SPPL2B: variants seen among roughly 807,000 people sequenced by gnomAD.
SPPL2B encodes signal peptide peptidase like 2B, also known as signal peptide peptidase-like 2B.
Under a neutral mutation model 59.7 loss-of-function variants are expected in SPPL2B, and 39 were observed. The ratio of observed to expected loss-of-function variants is 0.65; its 90% confidence interval spans 0.51 to 0.85. The LOEUF (loss-of-function observed/expected upper bound fraction) is 0.85. SPPL2B is among the 40% of genes least tolerant of loss of function. The pLI is 0.00. For synonymous variants in SPPL2B, 419 were observed against 370.8 expected (o/e 1.13, Z -1.49); for missense variants, 865 against 849.0 (o/e 1.02, Z -0.23).
rs551725527 is a variant in SPPL2B, at chr19:2,344,787, T to G, written c.1276+135T>G. On this transcript the variant is annotated intron_variant, in intron 12 of 14. Coordinates refer to ENST00000613503, the MANE Select transcript of SPPL2B (RefSeq NM_152988.3). ...CCCTGAGGGTCAGAGTCGGGCAGGTTGGGGCCGTTGAGGCCTGGGTGCCTG... is the reference window on the plus strand; with the variant it reads ...CCCTGAGGGTCAGAGTCGGGCAGGTGGGGGCCGTTGAGGCCTGGGTGCCTG... 6.2e-4 allele frequency: 420 copies of G among 677,608 alleles called. No individual in the cohort carries two copies. In the African/African-American group the frequency reaches 6.6e-3, roughly 11 times the overall value. The allele number at this position is 677,608 out of a possible 1,614,324, so 42.0% of individuals were successfully genotyped here. A position where few individuals can be genotyped will look rare whatever the true frequency, so the allele number is the denominator to read the frequency against.
chr19:2,334,665 T>G lies in SPPL2B; in HGVS notation c.130T>G (p.Tyr44Asp). The G allele has an allele frequency of 6.2e-7, 1 of 1,613,018 alleles. No homozygotes were observed. Among genetic ancestry groups the G allele is most frequent in the Non-Finnish European group, 8.5e-7 (1 of 1,179,488 alleles). ...SQAGGPEGKD[Y>D]CILYNPQWAH... ...GGCCGGGGGCCCCGAAGGCAAAGAC[T>G]ACTGCATCCTCTACAACCCGCAGTG... Residue 44 changes from tyrosine to aspartate, a missense_variant, in exon 2 of 15, where the codon TAC becomes GAC. Coordinates refer to ENST00000613503, the MANE Select transcript of SPPL2B (RefSeq NM_152988.3).
At chr19:2,346,444 T>C (rs1412416085) in intron 13 of SPPL2B, among the ~76,000 whole-genome samples, 3 of 152,220 alleles carry the variant, frequency 2.0e-5, no homozygotes, top group African/African-American at 2.4e-5. Flanking sequence ...AGTGGGAGGA[T>C]TGCTTGAGTC....
At chr19:2,337,652 G>C (rs1168058017) in intron 3 of SPPL2B, 27 bp downstream of exon 3, 2 of 1,520,642 alleles carry the variant, frequency 1.3e-6, no homozygotes, top group Non-Finnish European at 1.8e-6. Flanking sequence ...CCCCCGCTGG[G>C]CCAGCTCTCA....
At position 2,338,758 on chromosome 19, in the gene SPPL2B, C is replaced by T; in HGVS notation, c.376C>T (p.Pro126Ser). 1 of 1,612,858 alleles carries T rather than the reference C, an allele frequency of 6.2e-7. No homozygotes were observed. The highest frequency in any genetic ancestry group is 8.5e-7 in the Non-Finnish European group (1 of 1,179,340). ...CCCTCCTCTGGGCCCCCAGGTCCCC[C>T]CGGGGGGTAATAAGACGCAGTATGA... ...LIVSRERLVP[P>S]GGNKTQYDEI... The change falls in exon 4 of 15, where the codon CCG (proline) becomes TCG (serine). Residue 126 changes from proline (P) to serine (S), a missense_variant. Physicochemically the swap from Pro to Ser is moderately conservative, Grantham distance 74. Coordinates refer to ENST00000613503, the MANE Select transcript of SPPL2B (RefSeq NM_152988.3).
At position 2,353,195 on chromosome 19, in the gene SPPL2B, G is replaced by T. The variant is rs946852047; in HGVS notation, c.1765G>T (p.Gly589Cys). ...QAQPSPVTQPGASA is the reference protein window; with the variant it reads ...QAQPSPVTQPCASA ...CCAGCCGTCCCCGGTAACCCAGCCT[G>T]GCGCCTCGGCCTAGGGGAGGGGTGA... is the stretch of plus-strand genomic sequence containing the variant. Residue 589 changes from glycine to cysteine, a missense_variant, in exon 15 of 15, where the codon GGC (glycine) becomes TGC (cysteine). Physicochemically the swap from Gly to Cys is radical, Grantham distance 159 (BLOSUM62 -3). Transcript: ENST00000613503. 1.9e-6 allele frequency: 3 copies of T among 1,601,998 alleles called. No homozygotes were observed. Among genetic ancestry groups the T allele is most frequent in the Non-Finnish European group, 2.5e-6 (3 of 1,178,384 alleles).
At chr19:2,330,140 G>A (rs994284247) in intron 1 of SPPL2B, among the ~76,000 whole-genome samples, 2 of 149,930 alleles carry the variant, frequency 1.3e-5, no homozygotes, top group South Asian at 2.1e-4. Context: ...ACGGAGTCTC[G>A]CTCTGTCGCC....
chr19:2,339,047 T>G lies in SPPL2B; in HGVS notation c.460-22T>G. ...CTGGCGGGTGGCTCTGACGCCTGCC[T>G]CCGGTGTGTTCCTTGAGGCAGCGTT... On this transcript the variant is annotated intron_variant, in intron 4 of 14. Transcript: ENST00000613503. The G allele has an allele frequency of 1.9e-6, 3 of 1,543,556 alleles. No individual in the cohort carries two copies. In the South Asian group the frequency reaches 3.6e-5, roughly 18 times the overall value.
At chr19:2,342,891 C>T in intron 8 of SPPL2B, 1 of 358,606 alleles carries the variant, frequency 2.8e-6, no homozygotes, top group East Asian at 5.5e-5. Flanking sequence ...CGTCCTGGCC[C>T]CACCATCTGG....
chr19:2,332,889 G>C lies in SPPL2B; in HGVS notation c.67-1713G>C, dbSNP rs1968356986. Among the ~76,000 whole-genome samples, 1 of 152,106 alleles carries C rather than the reference G, an allele frequency of 6.6e-6. No homozygotes were observed. ...TGGAGATGTCTTTGTCAGCTGCTGG[G>C]TGGGGGCCCTGGGCAGGGGAGCAGA... is the stretch of plus-strand genomic sequence containing the variant. On this transcript the variant is annotated intron_variant, in intron 1 of 14. Coordinates refer to ENST00000613503, the MANE Select transcript of SPPL2B (RefSeq NM_152988.3). This position sits in a 1 kb window ranked among gnomAD's most constrained non-coding sequence, Gnocchi z 4.6.
chr19:2,349,602 C>T (rs1231074422), intron 13 of SPPL2B, among the ~76,000 whole-genome samples: 4 of 10,454 alleles, frequency 3.8e-4, no homozygotes, highest in East Asian at 7.3e-3. Context: ...CGCTTGATTC[C>T]GTTCTCTCTC....
rs1437393387 is a variant in SPPL2B, at chr19:2,332,281, C to A, written c.67-2321C>A. ...GGCCTTGACCCAGATGCTCCCAGAC[C>A]AGGCCGGAGACTTTGCATGATTTCA... On this transcript the variant is annotated intron_variant, in intron 1 of 14. Transcript: ENST00000613503. This position sits in a 1 kb window ranked among gnomAD's most constrained non-coding sequence, Gnocchi z 4.6. Among the ~76,000 whole-genome samples, 1 of 152,152 alleles carries A rather than the reference C, an allele frequency of 6.6e-6. No homozygotes were observed. The highest frequency in any genetic ancestry group is 1.5e-5 in the Non-Finnish European group (1 of 68,018).
In SPPL2B at chr19:2,340,946, T is replaced by TA. The variant is rs1256358782; in HGVS notation, c.889dup (p.Met297AsnfsTer95). 2.5e-6 allele frequency: 4 copies of TA among 1,603,592 alleles called. No homozygotes were observed. Among genetic ancestry groups the TA allele is most frequent in the Non-Finnish European group, 3.4e-6 (4 of 1,179,486 alleles). ...ACTTCCACAAGCGCCCGCAGGCCCG[T>TA]ATGCTGCTCCTGGCGCTCTTCTGCG... On this transcript the variant is annotated frameshift_variant, in exon 8 of 15. Transcript: ENST00000613503. LOFTEE classifies it high-confidence loss of function.
In SPPL2B at chr19:2,330,131, C is replaced by T. The variant is rs1968204420; in HGVS notation, c.66+1356C>T. Among the ~76,000 whole-genome samples, 2 of 143,408 alleles carry T rather than the reference C, an allele frequency of 1.4e-5. 1 individual carries two copies. The highest frequency in any genetic ancestry group is 4.4e-4 in the South Asian group (2 of 4,584). 94.1% of individuals were successfully genotyped at this position (143,408 alleles called of 152,430 possible). On this transcript the variant is annotated intron_variant, in intron 1 of 14. Transcript: ENST00000613503. ...GCAGATCTATTTTTTTTTTTTGAGACGGAGTCTCGCTCTGTCGCCCAGGCT... is the reference window on the plus strand; with the variant it reads ...GCAGATCTATTTTTTTTTTTTGAGATGGAGTCTCGCTCTGTCGCCCAGGCT...
intron 13 of SPPL2B, among the ~76,000 whole-genome samples, chr19:2,345,989 C>T (rs779977684): frequency 6.6e-6 from 1 of 152,186 alleles, no homozygotes; most frequent in Non-Finnish European, 1.5e-5. Context: ...TTGTTCTGTT[C>T]TTTTCTTTTC....
chr19:2,328,709 C>T lies in SPPL2B; in HGVS notation c.-1C>T. The T allele has an allele frequency of 2.8e-6, 4 of 1,441,348 alleles. No individual in the cohort carries two copies. The highest frequency in any genetic ancestry group is 3.6e-6 in the Non-Finnish European group (4 of 1,107,184). The allele number at this position is 1,441,348 out of a possible 1,614,324, so 89.3% of individuals were successfully genotyped here. A position where few individuals can be genotyped will look rare whatever the true frequency, so the allele number is the denominator to read the frequency against. Reference sequence around the variant, plus strand: ...GTTGGTTGCGGCGGGCACCGGCCGACATGGCGGCAGCGGTGGCGGCTGCGC... The same window carrying T: ...GTTGGTTGCGGCGGGCACCGGCCGATATGGCGGCAGCGGTGGCGGCTGCGC... On this transcript the variant is annotated 5_prime_UTR_variant, in exon 1 of 15. Coordinates refer to ENST00000613503, the MANE Select transcript of SPPL2B (RefSeq NM_152988.3).
chr19:2,350,484 C>T (rs1969865554), intron 13 of SPPL2B, among the ~76,000 whole-genome samples: 2 of 151,550 alleles, frequency 1.3e-5, no homozygotes. Flanking sequence ...CTCACGCTTT[C>T]ATTCGCTTGA....
intron 2 of SPPL2B, among the ~76,000 whole-genome samples, chr19:2,336,037 G>A (rs938604867): frequency 1.3e-5 from 2 of 152,238 alleles, no homozygotes; most frequent in African/African-American, 4.8e-5. Flanking sequence ...AGGTATGTGT[G>A]AAGACATGTG....
At chr19:2,345,163 A>G in intron 12 of SPPL2B, 90 bp from the exon 13 acceptor site, 1 of 1,070,600 alleles carries the variant, frequency 9.3e-7, no homozygotes, top group Admixed American at 2.0e-5. Context: ...CACGGCGCCC[A>G]CAGGTGCTCA....
intron 8 of SPPL2B, chr19:2,342,732 C>T (rs997414199): frequency 1.2e-5 from 2 of 171,128 alleles, no homozygotes; most frequent in African/African-American, 2.4e-5. Flanking sequence ...CCCCTGCCTA[C>T]AGCCTGTGAC....
Sources: gnomAD v4.1 joint callset for allele counts (sites outside exome capture counted in the v4.1 genomes callset) on GRCh38, gnomAD v4.1.1 for gene constraint, Gnocchi (gnomAD v3.1) non-coding constraint, MANE v1.5 for transcripts, NCBI Gene and HGNC (gene_info 2026-07-23, HGNC 2026-07-21) for gene names.